The following SEC14L6 variants were observed in gnomAD, a reference collection of about 807,000 sequenced individuals.
SEC14L6 encodes the protein SEC14 like lipid binding 6, also known as SEC14-like protein 6.
Under a neutral mutation model 54.1 loss-of-function variants are expected in SEC14L6, and 40 were observed. The ratio of observed to expected loss-of-function variants is 0.74; its 90% CI spans 0.57 to 0.96. SEC14L6 has a LOEUF of 0.96. Among genes scored for constraint, SEC14L6 ranks in the 40% least tolerant of loss-of-function variants. The pLI is 0.00. For synonymous variants in SEC14L6, 171 were observed against 198.4 expected (o/e 0.86, Z 1.16); for missense variants, 471 against 498.3 (o/e 0.95, Z 0.52).
chr22:30,543,087 T>C (rs2085754133), intron 1 of SEC14L6: 2 of 1,600,138 alleles, frequency 1.2e-6, no homozygotes, highest in Admixed American at 1.7e-5. Flanking sequence ...GCGAGTCTCA[T>C]GGCTTCTCAC....
intron 2 of SEC14L6, among the ~76,000 whole-genome samples, chr22:30,536,194 T>G (rs2085597160): frequency 6.6e-6 from 1 of 152,102 alleles, no homozygotes; most frequent in Non-Finnish European, 1.5e-5. Flanking sequence ...CACACCAGGC[T>G]CAGAGGCAAG....
Position 30,529,166 on chromosome 22 carries a change from G to T in SEC14L6, c.585C>A (p.Pro195=). Residue 195 remains proline (P), a synonymous_variant, in exon 8 of 12, where the codon CCC becomes CCA. Coordinates refer to ENST00000402034, the MANE Select transcript of SEC14L6 (RefSeq NM_001193336.4). The stretch of plus-strand genomic sequence containing the variant: ...GGTTGAAGGCTACGGCGAATAGCTT[G>T]GGGGCTGAAACCAGGCACAGAACTG... ...ILKSLIVVRA[P]KLFAVAFNLV... The T allele has an allele frequency of 6.4e-7, 1 of 1,550,912 alleles. No individual in the cohort carries two copies. The highest frequency in any genetic ancestry group is 2.4e-5 in the East Asian group (1 of 40,914).
At chr22:30,529,837 G>A (rs73168680) in intron 6 of SEC14L6, among the ~76,000 whole-genome samples, 3 of 152,282 alleles carry the variant, frequency 2.0e-5, no homozygotes, top group African/African-American at 4.8e-5. Context: ...TCCCTCCCAC[G>A]TGAGTCAGAC....
At position 30,543,652 on chromosome 22, in the gene SEC14L6, G is replaced by T. The variant is rs372435193; in HGVS notation, c.54+2977C>A. 3.7e-6 allele frequency: 6 copies of T among 1,612,846 alleles called. No individual in the cohort carries two copies. In the South Asian group the frequency reaches 6.6e-5, roughly 18 times the overall value. On this transcript the variant is annotated intron_variant, in intron 1 of 11. Coordinates refer to ENST00000402034, the MANE Select transcript of SEC14L6 (RefSeq NM_001193336.4). ...GAAGGAGCAGAGCTCAAATACCGCC[G>T]CTGAGAACACTGGACCTAATGAACA...
intron 3 of SEC14L6, chr22:30,533,207 C>G: frequency 1.0e-6 from 1 of 954,684 alleles, no homozygotes; most frequent in African/African-American, 1.8e-5. Flanking sequence ...ACCTATACCC[C>G]CCTACAAGGC....
intron 8 of SEC14L6, 111 bp from the exon 9 acceptor site, chr22:30,526,043 G>A (rs762690162): frequency 4.0e-5 from 53 of 1,315,112 alleles, no homozygotes; most frequent in Non-Finnish European, 5.0e-5. Context: ...TCCCTGGCGC[G>A]CTTTTGCCAC....
At chr22:30,532,077 C>G in intron 5 of SEC14L6, 79 bp from the exon 6 acceptor site, 1 of 1,508,514 alleles carries the variant, frequency 6.6e-7, no homozygotes, top group South Asian at 1.3e-5. Flanking sequence ...GGCCTAAGCC[C>G]AGGGCACTGG....
At position 30,531,268 on chromosome 22, in the gene SEC14L6, C is replaced by T. The variant is rs188554962; in HGVS notation, c.519+635G>A. ...ACTAAAAATACAAAAATTAGCCGGG[C>T]GTGGTGGCAGGCGCCTTAATCCCAG... On this transcript the variant is annotated intron_variant, in intron 6 of 11. Coordinates refer to ENST00000402034, the MANE Select transcript of SEC14L6 (RefSeq NM_001193336.4). Among the ~76,000 whole-genome samples the T allele has an allele frequency of 2.4e-3, 358 of 151,372 alleles. 1 individual carries two copies. Among genetic ancestry groups the T allele is most frequent in the Middle Eastern group, 6.8e-3 (2 of 292 alleles).
rs571506042 is a variant in SEC14L6 at position 30,543,895 on chromosome 22, C to T, written c.54+2734G>A. 71 of 1,587,352 alleles carry T rather than the reference C, an allele frequency of 4.5e-5. No individual in the cohort carries two copies. The South Asian group carries it at 4.7e-4, about 11-fold the overall frequency. On this transcript the variant is annotated intron_variant, in intron 1 of 11. Transcript: ENST00000402034. ...GCCCAAGGGGAAGAAGCCTGCTCCC[C>T]GGGCCGCGGAGCCCAACAACCACAC... is the stretch of plus-strand genomic sequence containing the variant.
intron 6 of SEC14L6, among the ~76,000 whole-genome samples, chr22:30,530,539 C>T (rs1483036497): frequency 6.6e-6 from 1 of 152,152 alleles, no homozygotes; most frequent in Non-Finnish European, 1.5e-5. Context: ...TAGCTGAGAC[C>T]ACCCCCACAC....
intron 1 of SEC14L6, among the ~76,000 whole-genome samples, chr22:30,540,795 G>A (rs1273435245): frequency 2.6e-5 from 4 of 151,806 alleles, no homozygotes; most frequent in Non-Finnish European, 5.9e-5. Context: ...AAGGCGGGCA[G>A]ATCACTTGAG....
Position 30,545,806 on chromosome 22 carries a change from TTTTTG to T in SEC14L6, c.54+818_54+822del, listed in dbSNP as rs552112197. On this transcript the variant is annotated intron_variant, in intron 1 of 11. Transcript: ENST00000402034. ...ACTTCAATTGTTTCTTTTTAGGTTT[TTTTTG>T]TTTTGTTTTGTTTTGTTTTTGTTTT... Among the ~76,000 whole-genome samples, 471 of 152,066 alleles carry T rather than the reference TTTTTG, an allele frequency of 3.1e-3. 4 individuals carry two copies. Among genetic ancestry groups the T allele is most frequent in the African/African-American group, 0.011 (441 of 41,494 alleles).
At chr22:30,532,917 C>T in intron 3 of SEC14L6, 61 bp from the exon 4 acceptor site, 2 of 1,585,498 alleles carry the variant, frequency 1.3e-6, no homozygotes, top group Admixed American at 1.8e-5. Context: ...TCTGTGGATA[C>T]CTGGGGACAC....
intron 2 of SEC14L6, 38 bp from the exon 3 acceptor site, chr22:30,534,077 G>A: frequency 4.5e-6 from 7 of 1,548,634 alleles, no homozygotes; most frequent in Non-Finnish European, 5.2e-6. Context: ...TGGAATTCTA[G>A]AGGCTCACTC....
At position 30,538,322 on chromosome 22, in the gene SEC14L6, G is replaced by A. The variant is rs2085635488; in HGVS notation, c.130+505C>T. 2.0e-5 allele frequency among the ~76,000 whole-genome samples: 3 copies of A among 149,586 alleles called. No individual in the cohort carries two copies. The South Asian group carries it at 6.3e-4, about 32-fold the overall frequency. On this transcript the variant is annotated intron_variant, in intron 2 of 11. Coordinates refer to ENST00000402034, the MANE Select transcript of SEC14L6 (RefSeq NM_001193336.4). ...CACTCCAGCCTGGGCAACAGAGTGG[G>A]ACTCCGTCTCAACAAAAAAAAAAAA...
chr22:30,540,715 C>CA (rs60313942), intron 1 of SEC14L6, among the ~76,000 whole-genome samples: 74,779 of 134,892 alleles, frequency 0.55, 20,593 homozygotes, highest in South Asian at 0.6. Flanking sequence ...GACCCTGTCT[C>CA]AAAAAAAAAA....
Position 30,543,347 on chromosome 22 carries a change from A to G in SEC14L6, c.54+3282T>C, listed in dbSNP as rs549431987. 6.4e-5 allele frequency: 101 copies of G among 1,573,114 alleles called. 1 individual carries two copies. The South Asian group carries it at 1.0e-3, about 16-fold the overall frequency. ...GTTCCACCCACCTTGGAGGTTACTC[A>G]ACAGCCCATGAGGGCAGAGAACCAG... On this transcript the variant is annotated intron_variant, in intron 1 of 11. Transcript: ENST00000402034.
At chr22:30,526,296 C>T (rs1049240128) in intron 8 of SEC14L6, among the ~76,000 whole-genome samples, 4 of 152,220 alleles carry the variant, frequency 2.6e-5, no homozygotes, top group African/African-American at 7.2e-5. Context: ...ACCCGGTCTT[C>T]GCTTTCCCTT....
chr22:30,540,558 A>ATAC (rs1190140273), intron 1 of SEC14L6, among the ~76,000 whole-genome samples: 1 of 151,864 alleles, frequency 6.6e-6, no homozygotes, highest in Non-Finnish European at 1.5e-5. Flanking sequence ...ACCACAAAAA[A>ATAC]TACAATAATT....
Sources: gnomAD v4.1 joint callset for allele counts (sites outside exome capture counted in the v4.1 genomes callset) on GRCh38, gnomAD v4.1.1 for gene constraint, MANE v1.5 for transcripts, NCBI Gene and HGNC (gene_info 2026-07-23, HGNC 2026-07-21) for gene names.